NKD2: variants seen among roughly 807,000 people sequenced by gnomAD.
NKD2 encodes the protein NKD inhibitor of Wnt signaling pathway 2.
A neutral mutation model predicts 34.8 loss-of-function variants in NKD2; 43 were observed. The ratio of observed to expected loss-of-function variants is 1.24; its 90% CI spans 0.97 to 1.60. NKD2 has a LOEUF of 1.60. NKD2 is among the 40% of genes most tolerant of loss of function. The probability of loss-of-function intolerance (pLI) is 0.00; values close to 1 mark genes in which losing one functional copy is unlikely to be tolerated. For synonymous variants in NKD2, 278 were observed against 265.1 expected, an observed-to-expected ratio of 1.05 and a Z score of -0.47; for missense variants, 675 against 627.1, an observed-to-expected ratio of 1.08 and a Z score of -0.82.
At chr5:1,015,657 T>G (rs1427071625) in intron 3 of NKD2, among the ~76,000 whole-genome samples, 1 of 152,132 alleles carries the variant, frequency 6.6e-6, no homozygotes, top group African/African-American at 2.4e-5. Context: ...ACTGCTGGGG[T>G]GAGGTCAGCA....
At chr5:1,018,622 A>AGG (rs1491366984) in intron 3 of NKD2, among the ~76,000 whole-genome samples, 1 of 152,118 alleles carries the variant, frequency 6.6e-6, no homozygotes, top group Non-Finnish European at 1.5e-5. Context: ...CCAGGGTGAC[A>AGG]GGGAGAGGTG....
intron 3 of NKD2, among the ~76,000 whole-genome samples, chr5:1,021,582 C>T (rs1756189010): frequency 6.6e-6 from 1 of 151,760 alleles, no homozygotes. Context: ...ATTATTAAGC[C>T]CGTAAAACTA....
chr5:1,033,505 T>C lies in NKD2; in HGVS notation c.330+6T>C. ...GGCAGCGCCTCAACATTGACGTGGG[T>C]CTCTCTCCGGCCTCACTTGCGGGAA... is the stretch of plus-strand genomic sequence containing the variant. On this transcript the variant is annotated splice_donor_region_variant and intron_variant, in intron 5 of 9. Transcript: ENST00000296849. 6.5e-7 allele frequency: 1 copy of C among 1,546,718 alleles called. No homozygotes were observed.
At chr5:1,028,311 CTGT>C (rs1308322031) in intron 3 of NKD2, among the ~76,000 whole-genome samples, 3 of 152,198 alleles carry the variant, frequency 2.0e-5, no homozygotes, top group South Asian at 2.1e-4. Context: ...CAAAGGCTAC[CTGT>C]TGTTGACGCC....
intron 3 of NKD2, among the ~76,000 whole-genome samples, chr5:1,030,065 G>T (rs1235311480): frequency 6.8e-6 from 1 of 147,658 alleles, no homozygotes; most frequent in East Asian, 2.0e-4. Flanking sequence ...CAGGTCCCCT[G>T]CACCCTCCCC....
At chr5:1,031,091 G>C (rs1490886567) in intron 3 of NKD2, among the ~76,000 whole-genome samples, 1 of 152,074 alleles carries the variant, frequency 6.6e-6, no homozygotes, top group African/African-American at 2.4e-5. Flanking sequence ...GAGGCGCTTG[G>C]GGGGGTCCAG....
In NKD2 at chr5:1,036,111, C is replaced by T. The variant is rs532552869; in HGVS notation, c.660-146C>T. The T allele has an allele frequency of 4.2e-5, 57 of 1,349,938 alleles. No individual in the cohort carries two copies. The South Asian group carries it at 9.1e-4, about 21-fold the overall frequency. 83.6% of individuals were successfully genotyped at this position (1,349,938 alleles called of 1,614,324 possible). A position where few individuals can be genotyped will look rare whatever the true frequency, so the allele number is the denominator to read the frequency against. On this transcript the variant is annotated intron_variant, in intron 8 of 9. Coordinates refer to ENST00000296849, the MANE Select transcript of NKD2 (RefSeq NM_033120.4). ...CGGCACTTGACTGTCTGTGCCCAGG[C>T]GTCCACTCTCCTTCCTGCTCTGCGA... is the stretch of plus-strand genomic sequence containing the variant.
chr5:1,035,260 TA>T, intron 7 of NKD2, 128 bp from the exon 8 acceptor site: 1 of 758,638 alleles, frequency 1.3e-6, no homozygotes, highest in East Asian at 2.7e-5. Context: ...GTGAGTGAGT[TA>T]ATGAATGAGT....
chr5:1,027,245 G>C (rs532146469), intron 3 of NKD2, among the ~76,000 whole-genome samples: 2 of 152,350 alleles, frequency 1.3e-5, no homozygotes, highest in South Asian at 4.1e-4. Flanking sequence ...CAAGGCGCTG[G>C]GGAGCCAGAG....
chr5:1,035,284 T>TAATG (rs70957314), intron 7 of NKD2, 105 bp from the exon 8 acceptor site: 642,192 of 745,046 alleles, frequency 0.86, 284,322 homozygotes, highest in Non-Finnish European at 0.92. Context: ...ACCAGTGAGT[T>TAATG]AATGAATGAA....
intron 8 of NKD2, chr5:1,035,746 ACTGTGGCTCC>A (rs1344916158): frequency 1.8e-5 from 9 of 496,508 alleles, no homozygotes; most frequent in East Asian, 1.0e-4. Flanking sequence ...GCTGTGGCTC[ACTGTGGCTCC>A]CTGTGGCTCC....
intron 3 of NKD2, among the ~76,000 whole-genome samples, chr5:1,014,626 A>G (rs59176495): frequency 0.12 from 18,197 of 152,056 alleles, 1,242 homozygotes; most frequent in African/African-American, 0.18. Flanking sequence ...GTCCATGGCC[A>G]CCCCAGGTCC....
rs1461011395 is a variant in NKD2 at position 1,009,526 on chromosome 5, C to T, written c.107C>T (p.Ala36Val). The change falls in exon 3 of 10, where the codon GCG (alanine) becomes GTG (valine). Residue 36 changes from alanine (A) to valine (V), a missense_variant. Ala to Val is a moderately conservative substitution (Grantham distance 64). Transcript: ENST00000296849. This position sits in a 1 kb window ranked among gnomAD's most constrained non-coding sequence, Gnocchi z 6.9. ...GCGTACGCGAGCGGCCGCAAAGGCGCGGAGGAAGCGGAGCGGCGCGCGCGG... is the reference window on the plus strand; with the variant it reads ...GCGTACGCGAGCGGCCGCAAAGGCGTGGAGGAAGCGGAGCGGCGCGCGCGG... ...ASAYASGRKG[A>V]EEAERRARDK... The T allele has an allele frequency of 2.7e-6, 4 of 1,494,226 alleles. No homozygotes were observed. The highest frequency in any genetic ancestry group is 4.4e-5 in the Admixed American group (2 of 45,276). 92.6% of individuals were successfully genotyped at this position (1,494,226 alleles called of 1,614,324 possible). A position where few individuals can be genotyped will look rare whatever the true frequency, so the allele number is the denominator to read the frequency against.
At chr5:1,034,380 C>T in intron 6 of NKD2, 50 bp downstream of exon 6, 1 of 1,444,704 alleles carries the variant, frequency 6.9e-7, no homozygotes, top group Non-Finnish European at 9.7e-7. Context: ...ACAGACGGGG[C>T]AGACAGACTG....
At chr5:1,014,235 G>A (rs972178689) in intron 3 of NKD2, among the ~76,000 whole-genome samples, 2 of 152,138 alleles carry the variant, frequency 1.3e-5, no homozygotes, top group African/African-American at 4.8e-5. Flanking sequence ...ATCTTGTTTT[G>A]GCTAAAGAGC....
chr5:1,027,190 G>C (rs970609759), intron 3 of NKD2, among the ~76,000 whole-genome samples: 6 of 152,250 alleles, frequency 3.9e-5, no homozygotes, highest in Admixed American at 2.0e-4. Context: ...CTTCGAGCCA[G>C]GGGCTCCACC....
chr5:1,028,466 G>T (rs1159721096), intron 3 of NKD2, among the ~76,000 whole-genome samples: 1 of 152,212 alleles, frequency 6.6e-6, no homozygotes, highest in Non-Finnish European at 1.5e-5. Flanking sequence ...TCAGGCAGAT[G>T]CGGCTGCTTT....
chr5:1,035,700 C>G, intron 8 of NKD2: 1 of 550,332 alleles, frequency 1.8e-6, no homozygotes, highest in Non-Finnish European at 3.2e-6. Context: ...TGAGGGGCAG[C>G]AGCCACAGCG....
intron 9 of NKD2, 123 bp downstream of exon 9, chr5:1,036,507 CCCCCA>C (rs1221848211): frequency 1.5e-5 from 9 of 607,614 alleles, no homozygotes; most frequent in African/African-American, 5.0e-5. Flanking sequence ...CCCCCAACCC[CCCCCA>C]CCCCACCCCA....
Sources: allele counts gnomAD v4.1 joint callset (sites outside exome capture counted in the v4.1 genomes callset), GRCh38; gene constraint gnomAD v4.1.1; non-coding constraint Gnocchi (gnomAD v3.1); transcripts MANE v1.5; gene names NCBI Gene and HGNC (gene_info 2026-07-23, HGNC 2026-07-21).